Variants in TRIM4 observed in about 807,000 individuals in gnomAD.
The protein encoded by TRIM4 is E3 ubiquitin-protein ligase TRIM4.
TRIM4 carries 29 observed loss-of-function variants against 33.7 expected under a neutral mutation model. The ratio of observed to expected loss-of-function variants is 0.86; its 90% CI spans 0.64 to 1.17. The LOEUF (loss-of-function observed/expected upper bound fraction) is 1.17. Among genes scored for constraint, TRIM4 ranks in the 50% most tolerant of loss-of-function variants. The probability of loss-of-function intolerance (pLI) is 0.00; values close to 1 mark genes in which losing one functional copy is unlikely to be tolerated. For missense variants in TRIM4, 554 were observed against 593.7 expected (o/e 0.93, Z 0.69); for synonymous variants, 224 against 233.0 (o/e 0.96, Z 0.35).
At position 99,891,923 on chromosome 7, in the gene TRIM4, C is replaced by T; in HGVS notation, c.*240G>A. On this transcript the variant is annotated 3_prime_UTR_variant, in exon 6 of 6. Transcript: ENST00000349062. ...TCCCCGCACATCTCTTTAAAAGCTA[C>T]AAAAAGATTTCCCAAAAGCGTCTTG... 4.4e-6 allele frequency: 2 copies of T among 455,222 alleles called. No homozygotes were observed. Among genetic ancestry groups the T allele is most frequent in the Non-Finnish European group, 7.7e-6 (2 of 259,218 alleles). The allele number at this position is 455,222 out of a possible 1,614,324, so 28.2% of individuals were successfully genotyped here.
chr7:99,895,708 G>A (rs1331987012), intron 5 of TRIM4, among the ~76,000 whole-genome samples: 1 of 152,198 alleles, frequency 6.6e-6, no homozygotes, highest in African/African-American at 2.4e-5. Flanking sequence ...TGCTTAATAT[G>A]TTTGAAGCAC....
Position 99,892,145 on chromosome 7 carries a change from GTCAGGGGAAGAAAAGCC to G in TRIM4, c.*1_*17del, listed in dbSNP as rs759417256. The G allele has an allele frequency of 8.9e-6, 14 of 1,580,616 alleles. No individual in the cohort carries two copies. In the South Asian group the frequency reaches 9.5e-5, roughly 11 times the overall value. Reference sequence around the variant, plus strand: ...GCTGGACTACAGGGAAGGAGTTTTGGTCAGGGGAAGAAAAGCCTCATTTCCTATCAGTCACTGGTGGA... The same window carrying G: ...GCTGGACTACAGGGAAGGAGTTTTGGTCATTTCCTATCAGTCACTGGTGGA... On this transcript the variant is annotated 3_prime_UTR_variant, in exon 6 of 6. Coordinates refer to ENST00000349062, the MANE Select transcript of TRIM4 (RefSeq NM_033091.3).
Position 99,892,137 on chromosome 7 carries a change from G to A in TRIM4, c.*26C>T, listed in dbSNP as rs371571216. ...GTCCCTCAGCTGGACTACAGGGAAG[G>A]AGTTTTGGTCAGGGGAAGAAAAGCC... On this transcript the variant is annotated 3_prime_UTR_variant, in exon 6 of 6. Coordinates refer to ENST00000349062, the MANE Select transcript of TRIM4 (RefSeq NM_033091.3). 6.4e-7 allele frequency: 1 copy of A among 1,568,356 alleles called. No homozygotes were observed. The highest frequency in any genetic ancestry group is 1.2e-5 in the South Asian group (1 of 83,032).
intron 5 of TRIM4, among the ~76,000 whole-genome samples, chr7:99,899,937 C>G (rs1357107651): frequency 6.6e-6 from 1 of 152,116 alleles, no homozygotes; most frequent in African/African-American, 2.4e-5. Flanking sequence ...ACTACAGGCA[C>G]ACACCAGCAC....
rs1343386529 is a variant in TRIM4, at chr7:99,892,196, A to G, written c.1392T>C (p.Ser464=). 6.2e-7 allele frequency: 1 copy of G among 1,613,162 alleles called. No homozygotes were observed. Among genetic ancestry groups the G allele is most frequent in the Non-Finnish European group, 8.5e-7 (1 of 1,179,710 alleles). ...TATCAGTCACTGGTGGAATGACTAA[A>G]GATGCTAATGGACTCAACCAAAAAA... ...RPFFWLSPLA[S]LVIPPVTDRK is the part of the protein sequence containing the mutation. Residue 464 remains serine, a synonymous_variant, in exon 6 of 6, where the codon TCT becomes TCC. Transcript: ENST00000349062.
chr7:99,916,264 A>G (rs1194230804), intron 1 of TRIM4, among the ~76,000 whole-genome samples: 2 of 151,928 alleles, frequency 1.3e-5, no homozygotes, highest in Non-Finnish European at 1.5e-5. Flanking sequence ...GCTACCAACC[A>G]TTGGTGTTTC....
Position 99,916,625 on chromosome 7 carries a change from A to G in TRIM4, c.393+2384T>C. ...ACCAAGTCTAATTGATCACCAAGTC[A>G]TTCAACTCCAGCTCATTATCACTCC... On this transcript the variant is annotated intron_variant, in intron 1 of 5. Transcript: ENST00000349062. 3 of 744,306 alleles carry G rather than the reference A, an allele frequency of 4.0e-6. No individual in the cohort carries two copies. In the South Asian group the frequency reaches 4.3e-5, roughly 11 times the overall value. 46.1% of individuals were successfully genotyped at this position (744,306 alleles called of 1,614,324 possible).
intron 1 of TRIM4, chr7:99,917,777 A>G (rs1819588662): frequency 1.0e-6 from 1 of 974,302 alleles, no homozygotes. Flanking sequence ...CTTACTGCAT[A>G]TCAATTCTGC....
At chr7:99,896,159 CTCTTT>C (rs1254111424) in intron 5 of TRIM4, among the ~76,000 whole-genome samples, 1 of 151,928 alleles carries the variant, frequency 6.6e-6, no homozygotes, top group African/African-American at 2.4e-5. Flanking sequence ...CTAGCTACAT[CTCTTT>C]TATTTTAGTG....
At chr7:99,916,058 C>A (rs2151653748) in intron 1 of TRIM4, among the ~76,000 whole-genome samples, 1 of 152,236 alleles carries the variant, frequency 6.6e-6, no homozygotes, top group South Asian at 2.1e-4. Flanking sequence ...TAAAGAATTA[C>A]AGTATGAAAA....
chr7:99,916,007 A>T (rs1431969233), intron 1 of TRIM4, among the ~76,000 whole-genome samples: 2 of 152,236 alleles, frequency 1.3e-5, no homozygotes, highest in African/African-American at 4.8e-5. Context: ...ATCTTCAAAA[A>T]GGGAATAACA....
At chr7:99,897,575 A>C (rs1302493579) in intron 5 of TRIM4, among the ~76,000 whole-genome samples, 1 of 152,212 alleles carries the variant, frequency 6.6e-6, no homozygotes, top group Non-Finnish European at 1.5e-5. Flanking sequence ...TAGCAACTAA[A>C]AAAAAGAACA....
chr7:99,917,431 T>C (rs1819579967), intron 1 of TRIM4, among the ~76,000 whole-genome samples: 1 of 152,246 alleles, frequency 6.6e-6, no homozygotes, highest in African/African-American at 2.4e-5. Context: ...ATTAAATTCA[T>C]GTGTTTGGCC....
Position 99,919,307 on chromosome 7 carries a change from C to G in TRIM4, c.95G>C (p.Cys32Ser). The change falls in exon 1 of 6, where the codon TGC (cysteine) becomes TCC (serine). Residue 32 changes from cysteine to serine, a missense_variant. This residue lies in a region of TRIM4 where 233 missense variants were observed against 203.1 expected (regional missense o/e 1.15). Transcript: ENST00000349062. ...CCAGTTGCGGTGCAGGCAGCCGCGGCAGAAGTTGTGGCCGCACTCGATGGA... is the reference window on the plus strand; with the variant it reads ...CCAGTTGCGGTGCAGGCAGCCGCGGGAGAAGTTGTGGCCGCACTCGATGGA... Reference protein sequence around the residue: ...PVSIECGHNFCRGCLHRNWAP... With the variant: ...PVSIECGHNFSRGCLHRNWAP... 6.4e-7 allele frequency: 1 copy of G among 1,559,936 alleles called. No homozygotes were observed. Among genetic ancestry groups the G allele is most frequent in the Admixed American group, 1.9e-5 (1 of 52,486 alleles).
intron 1 of TRIM4, chr7:99,917,895 A>G: frequency 2.1e-6 from 2 of 967,172 alleles, no homozygotes; most frequent in South Asian, 9.6e-5. Flanking sequence ...TCTAAAGGAT[A>G]GATGTGGGTA....
chr7:99,913,018 T>C (rs966943181), intron 1 of TRIM4, among the ~76,000 whole-genome samples: 1 of 152,244 alleles, frequency 6.6e-6, no homozygotes, highest in African/African-American at 2.4e-5. Flanking sequence ...TTGATGTATA[T>C]GAGGTTTGTA....
rs77179311 is a variant in TRIM4, at chr7:99,905,674, A to G, written c.721-2076T>C. On this transcript the variant is annotated intron_variant, in intron 3 of 5. Transcript: ENST00000349062. ...CACCCTCCAGTTGTGACAACCAAAA[A>G]TGTCTCTATATAATATCAGATTTTG... Among the ~76,000 whole-genome samples, 236 of 152,262 alleles carry G rather than the reference A, an allele frequency of 1.5e-3. 5 individuals are homozygous for G. The East Asian group carries it at 0.044, about 28-fold the overall frequency.
Position 99,909,460 on chromosome 7 carries a change from A to T in TRIM4, c.489+105T>A, listed in dbSNP as rs902110057. On this transcript the variant is annotated intron_variant, in intron 2 of 5. Transcript: ENST00000349062. ...GAGGTTCTGAGGCATCCAAGACTCT[A>T]CGTGAACTGCAAAACCCCATGACCA... The T allele has an allele frequency of 5.7e-6, 5 of 880,284 alleles. No individual in the cohort carries two copies. The Admixed American group carries it at 7.1e-5, about 13-fold the overall frequency. The allele number at this position is 880,284 out of a possible 1,614,324, so 54.5% of individuals were successfully genotyped here. A position where few individuals can be genotyped will look rare whatever the true frequency, so the allele number is the denominator to read the frequency against.
chr7:99,899,988 G>C (rs1170208422), intron 5 of TRIM4, among the ~76,000 whole-genome samples: 1 of 152,184 alleles, frequency 6.6e-6, no homozygotes, highest in Non-Finnish European at 1.5e-5. Flanking sequence ...GTCTCACTAT[G>C]TTGCCCAGGC....
Sources: gnomAD v4.1 joint callset for allele counts (sites outside exome capture counted in the v4.1 genomes callset) on GRCh38, gnomAD v4.1.1 for gene constraint, gnomAD v4.1.1 regional missense constraint, MANE v1.5 for transcripts, NCBI Gene and HGNC (gene_info 2026-07-23, HGNC 2026-07-21) for gene names.